Variants in PCGF6 observed in about 807,000 individuals in gnomAD.
The protein encoded by PCGF6 is polycomb group RING finger protein 6.
Under a neutral mutation model 45.5 loss-of-function variants are expected in PCGF6, and 24 were observed. That is an observed-to-expected ratio of 0.53 (90% CI 0.38 to 0.74). The LOEUF is 0.74. PCGF6 is among the 30% of genes least tolerant of loss of function. The pLI, the probability that PCGF6 is intolerant of heterozygous loss-of-function variation, is 0.00. For synonymous variants in PCGF6, 152 were observed against 162.1 expected (o/e 0.94, Z 0.47); for missense variants, 356 against 443.2 (o/e 0.80, Z 1.77).
chr10:103,340,263 C>G (rs1417365177), intron 6 of PCGF6, among the ~76,000 whole-genome samples: 1 of 143,780 alleles, frequency 7.0e-6, no homozygotes, highest in Non-Finnish European at 1.5e-5. Flanking sequence ...GCAATTTATT[C>G]AAGGTTACAA....
intron 7 of PCGF6, among the ~76,000 whole-genome samples, chr10:103,329,352 A>G (rs570612865): frequency 6.6e-6 from 1 of 150,904 alleles, no homozygotes; most frequent in African/African-American, 2.4e-5. Flanking sequence ...AATTTCTTAA[A>G]CCTAGTAGAA....
At chr10:103,344,206 A>C (rs1405455857) in intron 6 of PCGF6, among the ~76,000 whole-genome samples, 4 of 152,064 alleles carry the variant, frequency 2.6e-5, no homozygotes, top group Admixed American at 2.6e-4. Context: ...ACAATGCTAC[A>C]TATTGCTTAG....
intron 8 of PCGF6, among the ~76,000 whole-genome samples, chr10:103,319,945 A>AT (rs2093190885): frequency 6.6e-6 from 1 of 152,042 alleles, no homozygotes; most frequent in Non-Finnish European, 1.5e-5. Flanking sequence ...AGCTGGGACT[A>AT]TACAGGTGCA....
At chr10:103,322,268 A>C (rs920729707) in intron 8 of PCGF6, among the ~76,000 whole-genome samples, 5 of 151,930 alleles carry the variant, frequency 3.3e-5, no homozygotes, top group Non-Finnish European at 7.4e-5. Context: ...TGGTGCAATC[A>C]TGGATCACTG....
intron 6 of PCGF6, among the ~76,000 whole-genome samples, chr10:103,338,604 C>T (rs1234854035): frequency 2.0e-5 from 3 of 151,490 alleles, no homozygotes; most frequent in East Asian, 1.9e-4. Context: ...CAGTGGCTCA[C>T]GCCTGTAATC....
intron 9 of PCGF6, among the ~76,000 whole-genome samples, chr10:103,309,229 G>C (rs2093148257): frequency 6.6e-6 from 1 of 151,982 alleles, no homozygotes; most frequent in Admixed American, 6.6e-5. Context: ...GGAATGATAT[G>C]GTTTGGATCT....
chr10:103,342,807 T>C (rs1164364603), intron 6 of PCGF6, among the ~76,000 whole-genome samples: 3 of 152,230 alleles, frequency 2.0e-5, no homozygotes, highest in Admixed American at 2.0e-4. Context: ...TCTTTAATAA[T>C]AGAAATTGCT....
chr10:103,338,252 CA>C, intron 6 of PCGF6, among the ~76,000 whole-genome samples: 1 of 149,618 alleles, frequency 6.7e-6, no homozygotes, highest in Non-Finnish European at 1.5e-5. Context: ...AACAAACAAA[CA>C]AAAAAACCGG....
chr10:103,323,872 A>G (rs1042237643), intron 8 of PCGF6, among the ~76,000 whole-genome samples: 5 of 152,152 alleles, frequency 3.3e-5, no homozygotes, highest in Admixed American at 3.3e-4. Flanking sequence ...GGCATGAGCC[A>G]CTACACATGG....
At chr10:103,338,558 AAAG>A (rs934794586) in intron 6 of PCGF6, among the ~76,000 whole-genome samples, 1 of 151,074 alleles carries the variant, frequency 6.6e-6, no homozygotes, top group Non-Finnish European at 1.5e-5. Flanking sequence ...AAAAAAAAAA[AAAG>A]AAGACCATAA....
chr10:103,318,475 T>C (rs924608502), intron 8 of PCGF6, among the ~76,000 whole-genome samples: 3 of 148,694 alleles, frequency 2.0e-5, no homozygotes, highest in African/African-American at 7.5e-5. Flanking sequence ...GCGGGTGCGG[T>C]GGCGCACACC....
rs527339668 is a variant in PCGF6, at chr10:103,313,716, T to C, written c.996+470A>G. ...CCACATGTGGCCTGAGGGCCACAGGTTGGACAAACTTGGCTCTAAAGCCTA... is the reference window on the plus strand; with the variant it reads ...CCACATGTGGCCTGAGGGCCACAGGCTGGACAAACTTGGCTCTAAAGCCTA... On this transcript the variant is annotated intron_variant, in intron 9 of 9. Coordinates refer to ENST00000369847, the MANE Select transcript of PCGF6 (RefSeq NM_001011663.2). Among the ~76,000 whole-genome samples the C allele has an allele frequency of 1.8e-4, 28 of 152,360 alleles. No individual in the cohort carries two copies. In the East Asian group the frequency reaches 4.4e-3, roughly 24 times the overall value.
chr10:103,325,642 G>A (rs561835666), intron 8 of PCGF6, among the ~76,000 whole-genome samples: 1 of 152,218 alleles, frequency 6.6e-6, no homozygotes, highest in East Asian at 1.9e-4. Context: ...TACCAAAATG[G>A]AAAGAGCTGG....
In PCGF6 at chr10:103,343,221, C is replaced by A. The variant is rs1289842620; in HGVS notation, c.782+1803G>T. 2.0e-5 allele frequency among the ~76,000 whole-genome samples: 3 copies of A among 152,034 alleles called. No individual in the cohort carries two copies. The South Asian group carries it at 6.2e-4, about 32-fold the overall frequency. The stretch of plus-strand genomic sequence containing the variant: ...GGGATTATAGGCGTGAGCCACCGCG[C>A]CCGGCCTTAGGGGTTCTTAATAACA... On this transcript the variant is annotated intron_variant, in intron 6 of 9. Transcript: ENST00000369847.
rs2093308898 is a variant in PCGF6 at position 103,348,732 on chromosome 10, G to A, written c.541C>T (p.Pro181Ser). 6.3e-7 allele frequency: 1 copy of A among 1,584,224 alleles called. No homozygotes were observed. Among genetic ancestry groups the A allele is most frequent in the Non-Finnish European group, 8.6e-7 (1 of 1,157,898 alleles). Reference protein sequence around the residue: ...KCNIVVHQTQPLYNIRLDRQL... With the variant: ...KCNIVVHQTQSLYNIRLDRQL... ...TCTTCTTACCTTATGTTATAAAGAG[G>A]TTGTGTCTGATGTACTACTATATTG... Residue 181 changes from proline to serine, a missense_variant, in exon 3 of 10, where the codon CCT (proline) becomes TCT (serine). By Grantham distance (74) the Pro-to-Ser change is moderately conservative (BLOSUM62 -1). Coordinates refer to ENST00000369847, the MANE Select transcript of PCGF6 (RefSeq NM_001011663.2).
chr10:103,348,911 C>T lies in PCGF6; in HGVS notation c.449G>A (p.Cys150Tyr), dbSNP rs959131615. 1 of 1,612,224 alleles carries T rather than the reference C, an allele frequency of 6.2e-7. No individual in the cohort carries two copies. The highest frequency in any genetic ancestry group is 8.5e-7 in the Non-Finnish European group (1 of 1,178,292). ...ATCGGTATGCTTACAGGTATGAAGA[C>T]ATTCTGTGATGGTAGTTGCATCTAT... ...YLIDATTITE[C>Y]LHTFCKSCIV... The change falls in exon 2 of 10, where the codon TGT (cysteine) becomes TAT (tyrosine). Residue 150 changes from cysteine to tyrosine, a missense_variant. Physicochemically the swap from Cys to Tyr is radical, Grantham distance 194. Transcript: ENST00000369847.
chr10:103,312,418 CTAATT>C (rs1467683884), intron 9 of PCGF6: 1 of 152,206 alleles, frequency 6.6e-6, no homozygotes, highest in Non-Finnish European at 1.5e-5. Flanking sequence ...TCACAACTGT[CTAATT>C]TACACAACAA....
chr10:103,348,439 C>T (rs564705919), intron 3 of PCGF6: 186 of 212,152 alleles, frequency 8.8e-4, no homozygotes, highest in Non-Finnish European at 1.3e-3. Flanking sequence ...CAGGTTCAAG[C>T]GATTCTCCTG....
At position 103,341,208 on chromosome 10, in the gene PCGF6, A is replaced by G. The variant is rs1395677988; in HGVS notation, c.782+3816T>C. ...TGCGCCATTGCACTCCAGCATGAGC[A>G]ACAAGAGTGAAACTCCGTCTCAAAA... is the stretch of plus-strand genomic sequence containing the variant. On this transcript the variant is annotated intron_variant, in intron 6 of 9. Transcript: ENST00000369847. Among the ~76,000 whole-genome samples, 5 of 151,546 alleles carry G rather than the reference A, an allele frequency of 3.3e-5. No homozygotes were observed. The South Asian group carries it at 6.3e-4, about 19-fold the overall frequency.
Sources: gnomAD v4.1 joint callset for allele counts (sites outside exome capture counted in the v4.1 genomes callset) on GRCh38, gnomAD v4.1.1 for gene constraint, MANE v1.5 for transcripts, NCBI Gene and HGNC (gene_info 2026-07-23, HGNC 2026-07-21) for gene names.